The following ARPC2 variants were observed in gnomAD, a reference collection of about 807,000 sequenced individuals.
ARPC2 encodes the protein actin related protein 2/3 complex subunit 2.
ARPC2 carries 4 observed loss-of-function variants against 38.6 expected under a neutral mutation model. That is an observed-to-expected ratio of 0.10 (90% CI 0.05 to 0.24). The LOEUF is 0.24. ARPC2 is among the 10% of genes least tolerant of loss of function. The probability of loss-of-function intolerance (pLI) is 1.00; values close to 1 mark genes in which losing one functional copy is unlikely to be tolerated. For synonymous variants in ARPC2, 125 were observed against 140.8 expected, an observed-to-expected ratio of 0.89 and a Z score of 0.79; for missense variants, 229 against 387.3, an observed-to-expected ratio of 0.59 and a Z score of 3.43.
intron 10 of ARPC2, among the ~76,000 whole-genome samples, chr2:218,252,235 C>G (rs535642868): frequency 9.2e-5 from 14 of 152,206 alleles, no homozygotes; most frequent in African/African-American, 3.4e-4. Flanking sequence ...AAAAAAAAAG[C>G]ACTTTTTAAG....
intron 5 of ARPC2, 74 bp from the exon 6 acceptor site, chr2:218,238,590 C>CTTTT (rs34654904): frequency 1.1e-4 from 49 of 427,586 alleles, no homozygotes; most frequent in African/African-American, 2.2e-4. Context: ...TAGTATGCTG[C>CTTTT]TTTTTTTTTT....
At chr2:218,249,793 C>G in intron 9 of ARPC2, 28 bp from the exon 10 acceptor site, 1 of 1,588,702 alleles carries the variant, frequency 6.3e-7, no homozygotes, top group Non-Finnish European at 8.6e-7. Context: ...CATGACTGTG[C>G]TTTAGTACCT....
chr2:218,219,105 A>G (rs1689326198), intron 2 of ARPC2, among the ~76,000 whole-genome samples: 1 of 152,186 alleles, frequency 6.6e-6, no homozygotes, highest in African/African-American at 2.4e-5. Context: ...AAAGAATGAG[A>G]CCTGGGCGGT....
intron 5 of ARPC2, chr2:218,235,011 G>C (rs1012774435): frequency 1.1e-5 from 4 of 361,824 alleles, no homozygotes; most frequent in Non-Finnish European, 2.2e-5. Context: ...CTCAAATTCT[G>C]AGGCATTTAG....
At position 218,238,721 on chromosome 2, in the gene ARPC2, T is replaced by C; in HGVS notation, c.326T>C (p.Ile109Thr). The part of the protein sequence containing the change: ...LENLPASKDS[I>T]VHQAGMLKRN... Reference sequence around the variant, plus strand: ...AATCTTCCGGCATCCAAGGATTCCATTGTGCATCAAGCTGGCATGTTGAAG... The same window carrying C: ...AATCTTCCGGCATCCAAGGATTCCACTGTGCATCAAGCTGGCATGTTGAAG... Residue 109 changes from isoleucine (I) to threonine (T), a missense_variant, in exon 6 of 11, where the codon ATT (isoleucine) becomes ACT (threonine). Physicochemically the swap from Ile to Thr is moderately conservative, Grantham distance 89 (BLOSUM62 -1). Transcript: ENST00000315717. 4 of 1,613,730 alleles carry C rather than the reference T, an allele frequency of 2.5e-6. No homozygotes were observed. The highest frequency in any genetic ancestry group is 3.4e-6 in the Non-Finnish European group (4 of 1,179,912).
chr2:218,240,257 A>G (rs1435315722), intron 7 of ARPC2, among the ~76,000 whole-genome samples: 2 of 151,982 alleles, frequency 1.3e-5, no homozygotes, highest in Admixed American at 6.6e-5. Flanking sequence ...CCAGCCTGAT[A>G]TTTTTTTTCT....
intron 4 of ARPC2, chr2:218,233,366 C>G (rs1232458357): frequency 1.3e-5 from 2 of 151,780 alleles, no homozygotes. Flanking sequence ...AAAAAAAAAT[C>G]ATAATTTTTA....
In ARPC2 at chr2:218,253,954, G is replaced by A. The variant is rs1803066; in HGVS notation, c.*39G>A. 21 of 1,612,680 alleles carry A rather than the reference G, an allele frequency of 1.3e-5. No individual in the cohort carries two copies. Among genetic ancestry groups the A allele is most frequent in the Non-Finnish European group, 1.5e-5 (18 of 1,178,962 alleles). On this transcript the variant is annotated 3_prime_UTR_variant, in exon 11 of 11. Transcript: ENST00000315717. ...AGGAGGAAGCGGCTGGCAACTGAAGGCTGGAACACTTGCTACTGGATAATC... is the reference window on the plus strand; with the variant it reads ...AGGAGGAAGCGGCTGGCAACTGAAGACTGGAACACTTGCTACTGGATAATC...
At chr2:218,237,701 G>A (rs925513196) in intron 5 of ARPC2, among the ~76,000 whole-genome samples, 1 of 151,874 alleles carries the variant, frequency 6.6e-6, no homozygotes, top group African/African-American at 2.4e-5. Context: ...CAAGTAGCTA[G>A]GATTACAGGC....
intron 3 of ARPC2, among the ~76,000 whole-genome samples, chr2:218,226,803 GT>G (rs34923108): frequency 2.6e-5 from 4 of 151,074 alleles, no homozygotes; most frequent in Non-Finnish European, 4.4e-5. Context: ...TAAAACTGAG[GT>G]TTTTTTGTTG....
At chr2:218,234,128 C>T (rs1280544968) in intron 4 of ARPC2, 3 of 393,728 alleles carry the variant, frequency 7.6e-6, no homozygotes, top group Non-Finnish European at 1.4e-5. Flanking sequence ...GAGATCGCGC[C>T]ATTGCACTCT....
At chr2:218,253,252 C>A (rs947835131) in intron 10 of ARPC2, among the ~76,000 whole-genome samples, 3 of 152,194 alleles carry the variant, frequency 2.0e-5, no homozygotes, top group African/African-American at 7.2e-5. Flanking sequence ...GCTGCTTTCC[C>A]AGATACTGTT....
chr2:218,240,116 A>G (rs1020818650), intron 7 of ARPC2, among the ~76,000 whole-genome samples: 4 of 151,916 alleles, frequency 2.6e-5, no homozygotes, highest in Admixed American at 1.3e-4. Flanking sequence ...CACCACGCCC[A>G]GCTAATTTTT....
intron 10 of ARPC2, 38 bp downstream of exon 10, chr2:218,249,959 C>T: frequency 6.6e-7 from 1 of 1,522,532 alleles, no homozygotes; most frequent in Non-Finnish European, 9.0e-7. Context: ...CCTTCCTCTC[C>T]TGAGTCACCG....
At chr2:218,253,630 G>A (rs187136458) in intron 10 of ARPC2, among the ~76,000 whole-genome samples, 85 of 152,318 alleles carry the variant, frequency 5.6e-4, no homozygotes, top group Admixed American at 3.6e-3. Context: ...ATCTAACTTG[G>A]TACGTTGAAT....
rs1193969988 is a variant in ARPC2 at position 218,234,637 on chromosome 2, G to A, written c.268+240G>A. ...ACATTTTTAACATTTACTTGATGGG[G>A]CCACATGACTCTTACTTAATCTTTC... On this transcript the variant is annotated intron_variant, in intron 5 of 10. Coordinates refer to ENST00000315717, the MANE Select transcript of ARPC2 (RefSeq NM_152862.3). 7.2e-5 allele frequency: 39 copies of A among 542,718 alleles called. 1 individual carries two copies. In the East Asian group the frequency reaches 1.2e-3, roughly 17 times the overall value. The allele number at this position is 542,718 out of a possible 1,614,324, so 33.6% of individuals were successfully genotyped here. A position where few individuals can be genotyped will look rare whatever the true frequency, so the allele number is the denominator to read the frequency against.
intron 7 of ARPC2, among the ~76,000 whole-genome samples, chr2:218,241,959 C>T (rs1689927081): frequency 6.6e-6 from 1 of 152,204 alleles, no homozygotes; most frequent in South Asian, 2.1e-4. Flanking sequence ...TTTCCTAGGC[C>T]TGGAATTGTA....
intron 2 of ARPC2, among the ~76,000 whole-genome samples, chr2:218,217,855 C>T (rs1191522116): frequency 2.0e-5 from 3 of 152,250 alleles, no homozygotes; most frequent in South Asian, 2.1e-4. Context: ...AGCCCCCTGC[C>T]CTCTGGGGCG....
intron 7 of ARPC2, among the ~76,000 whole-genome samples, chr2:218,243,763 G>A (rs1357998226): frequency 3.3e-5 from 5 of 152,188 alleles, no homozygotes; most frequent in Non-Finnish European, 7.3e-5. Flanking sequence ...GTGACAGAGT[G>A]AGACCCTGTC....
Sources: gnomAD v4.1 joint callset for allele counts (sites outside exome capture counted in the v4.1 genomes callset) on GRCh38, gnomAD v4.1.1 for gene constraint, MANE v1.5 for transcripts, NCBI Gene and HGNC (gene_info 2026-07-23, HGNC 2026-07-21) for gene names.